The following SEPTIN9 variants were observed in gnomAD, a reference collection of about 807,000 sequenced individuals.
SEPTIN9 encodes septin 9, also known as septin-9.
A neutral mutation model predicts 56.6 loss-of-function variants in SEPTIN9; 13 were observed. The observed-to-expected ratio is 0.23, with a 90% confidence interval of 0.15 to 0.37. SEPTIN9 has a LOEUF of 0.37. Among genes scored for constraint, SEPTIN9 ranks in the 10% least tolerant of loss-of-function variants. The pLI, the probability that SEPTIN9 is intolerant of heterozygous loss-of-function variation, is 1.00. For missense variants in SEPTIN9, 650 were observed against 823.1 expected (o/e 0.79, Z 2.57); for synonymous variants, 332 against 334.1 (o/e 0.99, Z 0.07).
intron 3 of SEPTIN9, among the ~76,000 whole-genome samples, chr17:77,438,116 G>A (rs923185617): frequency 5.8e-4 from 88 of 152,262 alleles, no homozygotes; most frequent in Non-Finnish European, 8.8e-5. Context: ...ACCGAAAGGA[G>A]CTGAAGGTTT....
intron 3 of SEPTIN9, among the ~76,000 whole-genome samples, chr17:77,414,202 C>G (rs1361407500): frequency 6.6e-6 from 1 of 152,070 alleles, no homozygotes; most frequent in Non-Finnish European, 1.5e-5. Context: ...CCTCAGCCTC[C>G]CGAGTAGCTG....
chr17:77,457,171 A>C (rs1032442424), intron 3 of SEPTIN9, among the ~76,000 whole-genome samples: 1 of 152,174 alleles, frequency 6.6e-6, no homozygotes, highest in Non-Finnish European at 1.5e-5. Flanking sequence ...GGCCCGGCAC[A>C]GATGGCACCC....
chr17:77,475,814 G>A lies in SEPTIN9; in HGVS notation c.722-6330G>A, dbSNP rs754386061. 2.9e-5 allele frequency: 47 copies of A among 1,613,236 alleles called. No homozygotes were observed. Among genetic ancestry groups the A allele is most frequent in the African/African-American group, 1.1e-4 (8 of 74,932 alleles). ...GGTGAGTGCCACCGGCTCCCCTGCC[G>A]TGGCCTGGTCAGTGGCTTCACAGGC... On this transcript the variant is annotated intron_variant, in intron 3 of 11. Coordinates refer to ENST00000427177, the MANE Select transcript of SEPTIN9 (RefSeq NM_001113491.2). The surrounding 1 kb of genome is among the most constrained non-coding windows in gnomAD (Gnocchi z 4.6).
At chr17:77,352,405 T>TGAAAAA (rs145509123) in intron 2 of SEPTIN9, among the ~76,000 whole-genome samples, 1 of 147,432 alleles carries the variant, frequency 6.8e-6, no homozygotes, top group Non-Finnish European at 1.5e-5. Flanking sequence ...AGACTCCGTC[T>TGAAAAA]CAAAAACAAA....
intron 2 of SEPTIN9, among the ~76,000 whole-genome samples, chr17:77,356,614 C>A (rs773456241): frequency 2.7e-5 from 4 of 145,780 alleles, no homozygotes; most frequent in African/African-American, 2.6e-5. Context: ...CCTCCTCCTT[C>A]TATGTTTCCT....
In SEPTIN9 at chr17:77,327,450, C is replaced by G. The variant is rs1177362752; in HGVS notation, c.76+20253C>G. Among the ~76,000 whole-genome samples the G allele has an allele frequency of 2.0e-5, 3 of 152,178 alleles. No individual in the cohort carries two copies. The highest frequency in any genetic ancestry group is 2.9e-5 in the Non-Finnish European group (2 of 68,020). ...ACTGGCAAGGGCATTGGCATAGATT[C>G]TGGGGCTGCCTTGGTTCAAGCCCAC... On this transcript the variant is annotated intron_variant, in intron 2 of 11. Transcript: ENST00000427177. The surrounding 1 kb of genome is among the most constrained non-coding windows in gnomAD (Gnocchi z 5.0).
chr17:77,402,204 G>A lies in SEPTIN9; in HGVS notation c.222G>A (p.Ser74=), dbSNP rs763246934. The change falls in exon 3 of 12, where the codon TCG becomes TCA. Residue 74 remains serine (S), a synonymous_variant. Coordinates refer to ENST00000427177, the MANE Select transcript of SEPTIN9 (RefSeq NM_001113491.2). This position sits in a 1 kb window ranked among gnomAD's most constrained non-coding sequence, Gnocchi z 6.6. ...QDLGVKNSEP[S]ARHVDSLSQR... is the part of the protein sequence containing the mutation. Reference sequence around the variant, plus strand: ...TGGGCGTGAAGAACTCAGAACCCTCGGCCCGCCATGTGGACTCCCTAAGCC... The same window carrying A: ...TGGGCGTGAAGAACTCAGAACCCTCAGCCCGCCATGTGGACTCCCTAAGCC... The A allele has an allele frequency of 1.2e-5, 19 of 1,613,384 alleles. No individual in the cohort carries two copies. Among genetic ancestry groups the A allele is most frequent in the Middle Eastern group, 3.3e-4 (2 of 6,084 alleles).
intron 3 of SEPTIN9, among the ~76,000 whole-genome samples, chr17:77,416,578 T>G (rs1321637775): frequency 1.3e-5 from 2 of 152,132 alleles, no homozygotes; most frequent in Non-Finnish European, 2.9e-5. Context: ...GAGGATGCGG[T>G]GGGAGGAAGA....
chr17:77,382,784 C>A (rs2035191138), intron 2 of SEPTIN9, among the ~76,000 whole-genome samples: 3 of 152,168 alleles, frequency 2.0e-5, no homozygotes, highest in African/African-American at 7.2e-5. Flanking sequence ...TTCATTCGCA[C>A]CTTTGCAGGC....
rs896735476 is a variant in SEPTIN9 at position 77,490,687 on chromosome 17, C to T, written c.1263-55C>T. ...GTCGACACCTGCTTGGGGGTGGGTGCCCCCCCACTGCCCCGCTCCCCCAGA... is the reference window on the plus strand; with the variant it reads ...GTCGACACCTGCTTGGGGGTGGGTGTCCCCCCACTGCCCCGCTCCCCCAGA... On this transcript the variant is annotated intron_variant, in intron 7 of 11. Transcript: ENST00000427177. The T allele has an allele frequency of 1.3e-5, 17 of 1,325,290 alleles. No individual in the cohort carries two copies. In the East Asian group the frequency reaches 3.3e-4, roughly 26 times the overall value. 82.1% of individuals were successfully genotyped at this position (1,325,290 alleles called of 1,614,324 possible). A position where few individuals can be genotyped will look rare whatever the true frequency, so the allele number is the denominator to read the frequency against.
chr17:77,325,725 A>T (rs2033109376), intron 2 of SEPTIN9, among the ~76,000 whole-genome samples: 1 of 152,100 alleles, frequency 6.6e-6, no homozygotes, highest in South Asian at 2.1e-4. Context: ...CCTGCAGCCC[A>T]TTCTCTGCCT....
chr17:77,402,015 T>A lies in SEPTIN9; in HGVS notation c.77-44T>A. 6.3e-7 allele frequency: 1 copy of A among 1,589,974 alleles called. No homozygotes were observed. Among genetic ancestry groups the A allele is most frequent in the Non-Finnish European group, 8.6e-7 (1 of 1,164,188 alleles). On this transcript the variant is annotated intron_variant, in intron 2 of 11. Coordinates refer to ENST00000427177, the MANE Select transcript of SEPTIN9 (RefSeq NM_001113491.2). This position sits in a 1 kb window ranked among gnomAD's most constrained non-coding sequence, Gnocchi z 6.6. ...GCAGGAAACATGCCGGAGTGTTCCC[T>A]AGCCATCCATTCACCAATTGCATCC...
At position 77,367,613 on chromosome 17, in the gene SEPTIN9, C is replaced by T. The variant is rs769111300; in HGVS notation, c.77-34446C>T. ...GATGGATCACTTGAGGCCAGGAGTT[C>T]GAGACTACCCTGGCCAACACGGTGA... On this transcript the variant is annotated intron_variant, in intron 2 of 11. Coordinates refer to ENST00000427177, the MANE Select transcript of SEPTIN9 (RefSeq NM_001113491.2). The surrounding 1 kb of genome is among the most constrained non-coding windows in gnomAD (Gnocchi z 4.5). Among the ~76,000 whole-genome samples, 1 of 151,834 alleles carries T rather than the reference C, an allele frequency of 6.6e-6. No individual in the cohort carries two copies. Among genetic ancestry groups the T allele is most frequent in the Non-Finnish European group, 1.5e-5 (1 of 67,970 alleles).
At chr17:77,297,090 A>G (rs944023894) in intron 1 of SEPTIN9, among the ~76,000 whole-genome samples, 4 of 152,186 alleles carry the variant, frequency 2.6e-5, no homozygotes, top group Non-Finnish European at 5.9e-5. Flanking sequence ...GGAATTTATT[A>G]GGGGAATTGG....
chr17:77,409,325 C>G (rs11657961), intron 3 of SEPTIN9, among the ~76,000 whole-genome samples: 3 of 151,990 alleles, frequency 2.0e-5, no homozygotes, highest in African/African-American at 7.2e-5. Context: ...CCCGGTGTGT[C>G]TCCTTCGTGG....
intron 2 of SEPTIN9, chr17:77,380,163 T>C (rs1205890387): frequency 6.1e-6 from 1 of 165,000 alleles, no homozygotes; most frequent in East Asian, 1.1e-4. Flanking sequence ...AGACTTCAAG[T>C]TTGTTGTCGT....
chr17:77,311,703 T>C (rs1361407716), intron 2 of SEPTIN9, among the ~76,000 whole-genome samples: 3 of 152,126 alleles, frequency 2.0e-5, no homozygotes, highest in Non-Finnish European at 4.4e-5. Flanking sequence ...CCTCGCTATT[T>C]CCCCAGGGCA....
At chr17:77,483,224 G>GC (rs75577197) in intron 4 of SEPTIN9, 19,280 of 153,244 alleles carry the variant, frequency 0.13, 2,173 homozygotes, top group East Asian at 0.5. Context: ...TTCCTGCCCA[G>GC]CTCTGTGGAC....
intron 3 of SEPTIN9, among the ~76,000 whole-genome samples, chr17:77,466,995 A>G (rs1598420558): frequency 6.6e-6 from 1 of 152,108 alleles, no homozygotes; most frequent in African/African-American, 2.4e-5. Context: ...GAGGACTTCT[A>G]CCAAGCCCCT....
Sources: allele counts gnomAD v4.1 joint callset (sites outside exome capture counted in the v4.1 genomes callset), GRCh38; gene constraint gnomAD v4.1.1; non-coding constraint Gnocchi (gnomAD v3.1); transcripts MANE v1.5; gene names NCBI Gene and HGNC (gene_info 2026-07-23, HGNC 2026-07-21).